MGMT: variants seen among roughly 807,000 people sequenced by gnomAD.
MGMT encodes the protein O-6-methylguanine-DNA methyltransferase.
MGMT carries 14 observed loss-of-function variants against 15.9 expected under a neutral mutation model. That is an observed-to-expected ratio of 0.88 (90% confidence interval 0.58 to 1.37). The LOEUF (loss-of-function observed/expected upper bound fraction) is 1.37, where lower values mean the gene tolerates loss of function less well. Ranked by LOEUF, MGMT falls within the 40% of genes most tolerant of loss-of-function variation. The pLI, the probability that MGMT is intolerant of heterozygous loss-of-function variation, is 0.00. For missense variants in MGMT, 282 were observed against 268.1 expected, an observed-to-expected ratio of 1.05 and a Z score of -0.36; for synonymous variants, 130 against 118.2, an observed-to-expected ratio of 1.10 and a Z score of -0.65.
rs764498344 is a variant in MGMT at position 129,769,666 on chromosome 10, G to A, written c.*2669G>A. ...GGCAAAATAAGTTGCCTTTGGCCAC[G>A]CAGGAGACTGAGTTTTGTGAGGGGT... On this transcript the variant is annotated 3_prime_UTR_variant, in exon 5 of 5. Coordinates refer to ENST00000651593, the MANE Select transcript of MGMT (RefSeq NM_002412.5). Among the ~76,000 whole-genome samples, 3 of 152,182 alleles carry A rather than the reference G, an allele frequency of 2.0e-5. No individual in the cohort carries two copies. Among genetic ancestry groups the A allele is most frequent in the Non-Finnish European group, 4.4e-5 (3 of 68,042 alleles).
chr10:129,645,264 C>T (rs757841802), intron 2 of MGMT, among the ~76,000 whole-genome samples: 18 of 151,920 alleles, frequency 1.2e-4, no homozygotes, highest in Non-Finnish European at 2.2e-4. Context: ...GGTTTATAGG[C>T]GCCCACCACC....
chr10:129,744,107 A>T (rs1241290017), intron 3 of MGMT, among the ~76,000 whole-genome samples: 1 of 152,206 alleles, frequency 6.6e-6, no homozygotes, highest in Non-Finnish European at 1.5e-5. Flanking sequence ...CCCCAAAGAC[A>T]TTCCAAAAAC....
At chr10:129,681,836 A>G (rs937374315) in intron 2 of MGMT, among the ~76,000 whole-genome samples, 1 of 152,336 alleles carries the variant, frequency 6.6e-6, no homozygotes, top group East Asian at 1.9e-4. Context: ...TGCAAATCCC[A>G]TATCTGACAG....
At chr10:129,617,803 T>A (rs1429420986) in intron 2 of MGMT, among the ~76,000 whole-genome samples, 1 of 152,242 alleles carries the variant, frequency 6.6e-6, no homozygotes. Context: ...CTTGTTAATT[T>A]GTTTAAGTTC....
chr10:129,520,841 A>T (rs1300420469), intron 1 of MGMT, among the ~76,000 whole-genome samples: 5 of 130,572 alleles, frequency 3.8e-5, no homozygotes, highest in African/African-American at 8.9e-5. Flanking sequence ...CCTATGGTGC[A>T]TGTACAGACC....
intron 1 of MGMT, among the ~76,000 whole-genome samples, chr10:129,487,546 CT>C (rs548567927): frequency 1.1e-4 from 16 of 150,018 alleles, no homozygotes; most frequent in South Asian, 8.5e-4. Flanking sequence ...TTTTGTTTTC[CT>C]TTTTTTTTGC....
chr10:129,545,032 G>T (rs896288530), intron 2 of MGMT, among the ~76,000 whole-genome samples: 1 of 152,194 alleles, frequency 6.6e-6, no homozygotes, highest in Non-Finnish European at 1.5e-5. Context: ...CTGGTGGGAG[G>T]AGGTGTCCTT....
chr10:129,753,965 T>C (rs1474831119), intron 3 of MGMT, among the ~76,000 whole-genome samples: 2 of 152,214 alleles, frequency 1.3e-5, no homozygotes, highest in Non-Finnish European at 2.9e-5. Flanking sequence ...TTTAGTTAGT[T>C]CATAAGTTCT....
At chr10:129,640,003 G>A (rs1049372502) in intron 2 of MGMT, among the ~76,000 whole-genome samples, 1 of 150,902 alleles carries the variant, frequency 6.6e-6, no homozygotes, top group South Asian at 2.1e-4. Context: ...GATGAGAGGG[G>A]CCATTGCTAC....
At chr10:129,471,569 T>C (rs1010311737) in intron 1 of MGMT, among the ~76,000 whole-genome samples, 8 of 152,100 alleles carry the variant, frequency 5.3e-5, no homozygotes, top group African/African-American at 1.7e-4. Flanking sequence ...CCCTTGAACC[T>C]GTTGCTCTCC....
chr10:129,703,706 C>T (rs1848125443), intron 2 of MGMT, among the ~76,000 whole-genome samples: 2 of 152,166 alleles, frequency 1.3e-5, no homozygotes, highest in Non-Finnish European at 2.9e-5. Flanking sequence ...AGCCCAAATC[C>T]TGCAGCCCCA....
chr10:129,718,467 A>G (rs1437899595), intron 3 of MGMT, among the ~76,000 whole-genome samples: 1 of 118,330 alleles, frequency 8.5e-6, no homozygotes, highest in African/African-American at 3.4e-5. Flanking sequence ...CTTGCCCTCC[A>G]TTTCGAAGGG....
chr10:129,567,149 G>C (rs1264144439), intron 2 of MGMT, among the ~76,000 whole-genome samples: 1 of 152,074 alleles, frequency 6.6e-6, no homozygotes, highest in African/African-American at 2.4e-5. Flanking sequence ...TGCTTCTCCC[G>C]CCTGCGGACT....
rs562176927 is a variant in MGMT at position 129,742,635 on chromosome 10, A to G, written c.275-16567A>G. 8.5e-4 allele frequency among the ~76,000 whole-genome samples: 118 copies of G among 138,138 alleles called. 1 individual carries two copies. Among genetic ancestry groups the G allele is most frequent in the African/African-American group, 3.1e-3 (111 of 36,162 alleles). The allele number at this position is 138,138 out of a possible 152,430, so 90.6% of individuals were successfully genotyped here. Reference sequence around the variant, plus strand: ...AGCAGCCCATGCTCAGAGCCAGGTCATCAGGGCCGGGGCATTCAGCAGTGC... The same window carrying G: ...AGCAGCCCATGCTCAGAGCCAGGTCGTCAGGGCCGGGGCATTCAGCAGTGC... On this transcript the variant is annotated intron_variant, in intron 3 of 4. Transcript: ENST00000651593.
At chr10:129,628,837 C>T (rs1285460108) in intron 2 of MGMT, among the ~76,000 whole-genome samples, 2 of 152,218 alleles carry the variant, frequency 1.3e-5, no homozygotes, top group East Asian at 3.8e-4. Flanking sequence ...TCCCTTGCTT[C>T]TGAAGATTCT....
intron 2 of MGMT, among the ~76,000 whole-genome samples, chr10:129,688,260 C>G (rs919532038): frequency 3.3e-5 from 5 of 152,146 alleles, no homozygotes; most frequent in African/African-American, 7.2e-5. Context: ...CTTGAGGAAT[C>G]GCCACACTGA....
intron 2 of MGMT, among the ~76,000 whole-genome samples, chr10:129,568,520 A>G (rs936962820): frequency 6.6e-6 from 1 of 152,224 alleles, no homozygotes; most frequent in Non-Finnish European, 1.5e-5. Context: ...CCAAACTATC[A>G]TAGGATAGTT....
Position 129,711,160 on chromosome 10 carries a change from C to T in MGMT, c.274+3117C>T, listed in dbSNP as rs1250826138. Among the ~76,000 whole-genome samples, 5 of 152,186 alleles carry T rather than the reference C, an allele frequency of 3.3e-5. No individual in the cohort carries two copies. The South Asian group carries it at 6.2e-4, about 19-fold the overall frequency. On this transcript the variant is annotated intron_variant, in intron 3 of 4. Coordinates refer to ENST00000651593, the MANE Select transcript of MGMT (RefSeq NM_002412.5). Reference sequence around the variant, plus strand: ...CCCTCTCTCCTGCACACGGCCTCTTCGCGGTACCACCTCACCTTCCAGGAT... The same window carrying T: ...CCCTCTCTCCTGCACACGGCCTCTTTGCGGTACCACCTCACCTTCCAGGAT...
chr10:129,486,200 G>T lies in MGMT; in HGVS notation c.-13+18904G>T, dbSNP rs572392392. ...CTCTTTTTTTTTTTTTTTTTTTGGT[G>T]GGGGGTAGACAGAGTCTTGCTCTGT... is the stretch of plus-strand genomic sequence containing the variant. On this transcript the variant is annotated intron_variant, in intron 1 of 4. Coordinates refer to ENST00000651593, the MANE Select transcript of MGMT (RefSeq NM_002412.5). 8.3e-4 allele frequency among the ~76,000 whole-genome samples: 121 copies of T among 145,560 alleles called. 1 individual carries two copies. Among genetic ancestry groups the T allele is most frequent in the Admixed American group, 2.0e-3 (29 of 14,554 alleles).
Sources: allele counts gnomAD v4.1 joint callset (sites outside exome capture counted in the v4.1 genomes callset), GRCh38; gene constraint gnomAD v4.1.1; transcripts MANE v1.5; gene names NCBI Gene and HGNC (gene_info 2026-07-23, HGNC 2026-07-21).